Variants in ACOT11 observed in about 807,000 individuals in gnomAD.
The protein encoded by ACOT11 is acyl-coenzyme A thioesterase 11.
A neutral mutation model predicts 77.5 loss-of-function variants in ACOT11; 69 were observed. The observed-to-expected ratio is 0.89, with a 90% CI of 0.73 to 1.09. The LOEUF (loss-of-function observed/expected upper bound fraction) is 1.09. ACOT11 is among the 50% of genes least tolerant of loss of function. ACOT11 has a pLI of 0.00. For synonymous variants in ACOT11, 279 were observed against 313.0 expected (o/e 0.89, Z 1.15); for missense variants, 766 against 813.7 (o/e 0.94, Z 0.71).
intron 1 of ACOT11, among the ~76,000 whole-genome samples, chr1:54,553,379 GC>G (rs1320483873): frequency 2.6e-5 from 4 of 151,390 alleles, no homozygotes; most frequent in African/African-American, 4.9e-5. Context: ...AGCTGGATGT[GC>G]CCAGTTGAAC....
intron 15 of ACOT11, among the ~76,000 whole-genome samples, chr1:54,616,350 T>G (rs1314052812): frequency 6.6e-6 from 1 of 152,186 alleles, no homozygotes; most frequent in Non-Finnish European, 1.5e-5. Context: ...TTCTTCCATT[T>G]TCTTCTATGC....
In ACOT11 at chr1:54,607,322, C is replaced by A. The variant is rs1644038421; in HGVS notation, c.1502+57C>A. The A allele has an allele frequency of 2.5e-6, 4 of 1,596,276 alleles. No individual in the cohort carries two copies. The highest frequency in any genetic ancestry group is 2.6e-6 in the Non-Finnish European group (3 of 1,166,590). On this transcript the variant is annotated intron_variant, in intron 14 of 15. Transcript: ENST00000343744. This position sits in a 1 kb window ranked among gnomAD's most constrained non-coding sequence, Gnocchi z 4.5. ...ACAACTGGACAGGGTGGTAGGGTGG[C>A]CGCTTCTCCCTCCCAGGGAAGGGCA...
At position 54,607,077 on chromosome 1, in the gene ACOT11, C is replaced by T; in HGVS notation, c.1371-57C>T. ...GTGTGGCAGGGCCCGGGCAGACCCG[C>T]TGCTTGCATGGGAGCTGGAAGCTTC... On this transcript the variant is annotated intron_variant, in intron 13 of 15. Transcript: ENST00000343744. The surrounding 1 kb of genome is among the most constrained non-coding windows in gnomAD (Gnocchi z 4.5). The T allele has an allele frequency of 6.2e-7, 1 of 1,608,726 alleles. No homozygotes were observed. The highest frequency in any genetic ancestry group is 8.5e-7 in the Non-Finnish European group (1 of 1,177,236).
intron 5 of ACOT11, among the ~76,000 whole-genome samples, 160 bp downstream of exon 5, chr1:54,594,199 A>G (rs1654815200): frequency 6.6e-6 from 1 of 151,788 alleles, no homozygotes; most frequent in Non-Finnish European, 1.5e-5. Context: ...CCCTCATTGC[A>G]TTGGAATCCC....
chr1:54,611,547 C>G, downstream of ACOT11: 3 of 1,579,972 alleles, frequency 1.9e-6, no homozygotes, highest in Non-Finnish European at 2.6e-6. Context: ...CCAGTGCCCA[C>G]CAGGTGCTGC....
intron 1 of ACOT11, among the ~76,000 whole-genome samples, chr1:54,559,855 G>A (rs537739114): frequency 6.6e-6 from 1 of 152,316 alleles, no homozygotes; most frequent in African/African-American, 2.4e-5. Flanking sequence ...CTCCAGCTGG[G>A]CAGGGGCCCT....
At chr1:54,614,985 G>T (rs1162690834), downstream of ACOT11, 4 of 934,276 alleles carry the variant, frequency 4.3e-6, no homozygotes, top group Non-Finnish European at 6.4e-6. Flanking sequence ...TCAGGGGAGG[G>T]CGGAAGGACC....
chr1:54,582,597 G>A, intron 1 of ACOT11: 1 of 881,510 alleles, frequency 1.1e-6, no homozygotes, highest in Non-Finnish European at 1.4e-6. Flanking sequence ...GGTTGACCAG[G>A]TGAGAAGCAG....
In ACOT11 at chr1:54,584,868, G is replaced by A. The variant is rs1355483721; in HGVS notation, c.241+6G>A. ...CACCACGGCTTGCCTGTCCGGTAAG[G>A]CTGCGCTCCCCATGGTTCCCTACCT... On this transcript the variant is annotated splice_donor_region_variant and intron_variant, in intron 2 of 15. Transcript: ENST00000343744. This position sits in a 1 kb window ranked among gnomAD's most constrained non-coding sequence, Gnocchi z 6.3. 6.2e-7 allele frequency: 1 copy of A among 1,609,550 alleles called. No homozygotes were observed. Among genetic ancestry groups the A allele is most frequent in the East Asian group, 2.2e-5 (1 of 44,666 alleles).
At chr1:54,606,234 C>T (rs1011004291) in intron 13 of ACOT11, among the ~76,000 whole-genome samples, 4 of 150,432 alleles carry the variant, frequency 2.7e-5, no homozygotes, top group Non-Finnish European at 5.9e-5. Flanking sequence ...AGGGGGAGGG[C>T]GGTTGTGCAT....
At chr1:54,557,609 GTATTT>G (rs963565039) in intron 1 of ACOT11, among the ~76,000 whole-genome samples, 1 of 151,800 alleles carries the variant, frequency 6.6e-6, no homozygotes, top group Admixed American at 6.6e-5. Flanking sequence ...TTATTCTCAG[GTATTT>G]TATTTTATTT....
At chr1:54,561,922 C>A (rs370543689) in intron 1 of ACOT11, among the ~76,000 whole-genome samples, 9,243 of 58,692 alleles carry the variant, frequency 0.16, 1,511 homozygotes, top group Non-Finnish European at 0.25. Flanking sequence ...TGACCCCCCC[C>A]CCACCTCCCT....
intron 15 of ACOT11, among the ~76,000 whole-genome samples, chr1:54,629,236 A>C (rs915089386): frequency 7.5e-6 from 1 of 133,858 alleles, no homozygotes; most frequent in Non-Finnish European, 1.7e-5. Context: ...TCAGACCCAC[A>C]AAGTATTCAG....
chr1:54,619,212 T>C (rs1437198531), intron 15 of ACOT11, among the ~76,000 whole-genome samples: 2 of 152,206 alleles, frequency 1.3e-5, no homozygotes, highest in African/African-American at 4.8e-5. Flanking sequence ...TCATCTTTTA[T>C]AGCTACTGCT....
chr1:54,622,892 T>A (rs1327137935), intron 15 of ACOT11, among the ~76,000 whole-genome samples: 1 of 151,554 alleles, frequency 6.6e-6, no homozygotes, highest in African/African-American at 2.4e-5. Flanking sequence ...AAGAGCTGGT[T>A]GGCCAGGCAT....
intron 15 of ACOT11, among the ~76,000 whole-genome samples, chr1:54,627,896 T>C (rs12752131): frequency 0.19 from 24,589 of 129,052 alleles, 6,479 homozygotes; most frequent in East Asian, 0.39. Context: ...GGAGCGTGAG[T>C]GGTGTGGCTG....
At chr1:54,578,912 G>A (rs1654205322) in intron 1 of ACOT11, among the ~76,000 whole-genome samples, 1 of 151,852 alleles carries the variant, frequency 6.6e-6, no homozygotes, top group Admixed American at 6.6e-5. Flanking sequence ...GACTTAGTAG[G>A]CATTCAATAA....
chr1:54,612,791 G>A, downstream of ACOT11: 3 of 1,036,662 alleles, frequency 2.9e-6, no homozygotes, highest in Non-Finnish European at 2.9e-6. Flanking sequence ...ACAGTGCTAG[G>A]GAGTGGCAGA....
Position 54,593,940 on chromosome 1 carries a change from G to A in ACOT11, c.373-1G>A, listed in dbSNP as rs377602880. ...CCTTCGCCCTTACTGTTCCTCTCCA[G>A]GTGGGCATCCAGGTGGCCTCGGAGG... On this transcript the variant is annotated splice_acceptor_variant, in intron 4 of 15. Transcript: ENST00000343744. LOFTEE classifies it high-confidence loss of function. The A allele has an allele frequency of 1.9e-6, 3 of 1,613,896 alleles. No homozygotes were observed. Among genetic ancestry groups the A allele is most frequent in the Non-Finnish European group, 2.5e-6 (3 of 1,179,816 alleles).
Sources: gnomAD v4.1 joint callset for allele counts (sites outside exome capture counted in the v4.1 genomes callset) on GRCh38, gnomAD v4.1.1 for gene constraint, Gnocchi (gnomAD v3.1) non-coding constraint, MANE v1.5 for transcripts, NCBI Gene and HGNC (gene_info 2026-07-23, HGNC 2026-07-21) for gene names.